The following PARP16 variants were observed in gnomAD, a reference collection of about 807,000 sequenced individuals.
PARP16 encodes the protein protein mono-ADP-ribosyltransferase PARP16.
Under a neutral mutation model 35.0 loss-of-function variants are expected in PARP16, and 31 were observed. The ratio of observed to expected loss-of-function variants is 0.88; its 90% confidence interval spans 0.66 to 1.19. The LOEUF (loss-of-function observed/expected upper bound fraction) is 1.19. Among genes scored for constraint, PARP16 ranks in the 50% most tolerant of loss-of-function variants. The pLI is 0.00. For synonymous variants in PARP16, 162 were observed against 169.5 expected, an observed-to-expected ratio of 0.96 and a Z score of 0.34; for missense variants, 424 against 411.2, an observed-to-expected ratio of 1.03 and a Z score of -0.27.
At chr15:65,262,398 C>T (rs1167138179) in intron 4 of PARP16, among the ~76,000 whole-genome samples, 4 of 152,302 alleles carry the variant, frequency 2.6e-5, no homozygotes, top group Admixed American at 2.0e-4. Flanking sequence ...TCCCAAAGTG[C>T]TGGGATTACA....
chr15:65,266,697 A>C lies in PARP16; in HGVS notation c.384T>G (p.Ile128Met), dbSNP rs766341860. 1 of 1,614,152 alleles carries C rather than the reference A, an allele frequency of 6.2e-7. No individual in the cohort carries two copies. The highest frequency in any genetic ancestry group is 8.5e-7 in the Non-Finnish European group (1 of 1,179,990). ...TGGCGTTGGCTGGGTCAAAGTACTC[A>C]ATTTCAAACAGGAAGTCCGGTGCAG... ...PVPAPDFLFE[I>M]EYFDPANAKF... Residue 128 changes from isoleucine to methionine, a missense_variant, in exon 3 of 6, where the codon ATT (isoleucine) becomes ATG (methionine). Coordinates refer to ENST00000649807, the MANE Select transcript of PARP16 (RefSeq NM_001316943.2).
intron 3 of PARP16, among the ~76,000 whole-genome samples, chr15:65,244,938 T>G (rs1407141479): frequency 6.6e-6 from 1 of 152,168 alleles, no homozygotes; most frequent in Non-Finnish European, 1.5e-5. Context: ...ACAAGCCAAC[T>G]GCAAAGCCAG....
In PARP16 at chr15:65,258,290, C is replaced by G. The variant is rs1294230251; in HGVS notation, c.*1117G>C. ...AGCAGGAAGAAGGGAGCAGAGAATA[C>G]AGCAAGCAGGGCTCCGGCTCTCTGG... On this transcript the variant is annotated 3_prime_UTR_variant, in exon 6 of 6. Coordinates refer to ENST00000649807, the MANE Select transcript of PARP16 (RefSeq NM_001316943.2). The G allele has an allele frequency of 6.6e-6, 1 of 152,232 alleles. No individual in the cohort carries two copies. 9.4% of individuals were successfully genotyped at this position (152,232 alleles called of 1,614,324 possible). A position where few individuals can be genotyped will look rare whatever the true frequency, so the allele number is the denominator to read the frequency against.
intron 4 of PARP16, among the ~76,000 whole-genome samples, 159 bp from the exon 5 acceptor site, chr15:65,261,185 C>T (rs2089699512): frequency 6.6e-6 from 1 of 151,116 alleles, no homozygotes; most frequent in South Asian, 2.1e-4. Context: ...CTGAAAAAAA[C>T]GGAGAATCTG....
At chr15:65,278,164 C>T (rs969395900) in intron 1 of PARP16, among the ~76,000 whole-genome samples, 15 of 152,152 alleles carry the variant, frequency 9.9e-5, no homozygotes, top group Admixed American at 4.6e-4. Flanking sequence ...AAATGAGTAA[C>T]GGGAGCCCGG....
At chr15:65,279,254 T>G (rs917060709) in intron 1 of PARP16, among the ~76,000 whole-genome samples, 1 of 152,188 alleles carries the variant, frequency 6.6e-6, no homozygotes, top group African/African-American at 2.4e-5. Flanking sequence ...ATGAGCTACG[T>G]GTAGTAACAG....
intron 3 of PARP16, among the ~76,000 whole-genome samples, chr15:65,244,087 T>C (rs1051396905): frequency 2.6e-5 from 4 of 152,204 alleles, no homozygotes; most frequent in Admixed American, 6.6e-5. Flanking sequence ...TTTCTCCATC[T>C]GGTAAGATCT....
At chr15:65,252,905 G>T (rs1037427105) in intron 2 of PARP16, among the ~76,000 whole-genome samples, 1 of 152,298 alleles carries the variant, frequency 6.6e-6, no homozygotes, top group Admixed American at 6.5e-5. Context: ...AAGGTGGGCA[G>T]ATCACCTGAG....
At chr15:65,262,092 T>C (rs1303422335) in intron 4 of PARP16, among the ~76,000 whole-genome samples, 2 of 152,058 alleles carry the variant, frequency 1.3e-5, no homozygotes, top group African/African-American at 2.4e-5. Flanking sequence ...CAGTCAGTTT[T>C]CTGAATTCTC....
intron 1 of PARP16, among the ~76,000 whole-genome samples, chr15:65,276,582 T>C (rs1227602720): frequency 6.6e-6 from 1 of 151,926 alleles, no homozygotes; most frequent in East Asian, 1.9e-4. Context: ...TCCAGGCTGG[T>C]CTCAAAACTC....
intron 1 of PARP16, among the ~76,000 whole-genome samples, chr15:65,285,896 G>T (rs2090578167): frequency 6.6e-6 from 1 of 152,166 alleles, no homozygotes; most frequent in South Asian, 2.1e-4. Context: ...ATTTGCAAAA[G>T]GATGGATAAC....
At chr15:65,244,753 T>C (rs532195930) in intron 3 of PARP16, among the ~76,000 whole-genome samples, 9 of 152,390 alleles carry the variant, frequency 5.9e-5, no homozygotes, top group African/African-American at 2.2e-4. Flanking sequence ...GTTCAATGAC[T>C]ATTTGTTGAA....
At chr15:65,263,509 G>T (rs911083381) in intron 3 of PARP16, among the ~76,000 whole-genome samples, 189 bp from the exon 4 acceptor site, 1 of 152,168 alleles carries the variant, frequency 6.6e-6, no homozygotes, top group Admixed American at 6.5e-5. Flanking sequence ...ACACATTCCT[G>T]CCTGACAACA....
intron 3 of PARP16, among the ~76,000 whole-genome samples, chr15:65,241,079 GC>G (rs1291324208): frequency 1.3e-5 from 2 of 149,722 alleles, no homozygotes; most frequent in African/African-American, 2.5e-5. Context: ...CAAGTGATCT[GC>G]CCCCCTCAGC....
At chr15:65,274,581 A>T (rs2090193406) in intron 1 of PARP16, among the ~76,000 whole-genome samples, 1 of 151,320 alleles carries the variant, frequency 6.6e-6, no homozygotes. Context: ...CTCGAATAAA[A>T]AAAAAAAAAA....
Position 65,271,082 on chromosome 15 carries a change from C to T in PARP16, c.175-10G>A, listed in dbSNP as rs187196606. Reference sequence around the variant, plus strand: ...TGCTGGCATCTGCAAGCTGAAGCGACGGAAGAACTTCCATTAGCAAGGATC... The same window carrying T: ...TGCTGGCATCTGCAAGCTGAAGCGATGGAAGAACTTCCATTAGCAAGGATC... On this transcript the variant is annotated splice_polypyrimidine_tract_variant and intron_variant, in intron 1 of 5. Coordinates refer to ENST00000649807, the MANE Select transcript of PARP16 (RefSeq NM_001316943.2). 7.5e-4 allele frequency: 1,211 copies of T among 1,613,890 alleles called. 9 individuals carry two copies. The East Asian group carries it at 9.8e-3, about 13-fold the overall frequency.
chr15:65,249,879 T>C (rs2089307523), intron 2 of PARP16, among the ~76,000 whole-genome samples: 2 of 152,140 alleles, frequency 1.3e-5, no homozygotes, highest in Admixed American at 1.3e-4. Flanking sequence ...GGAGATGAGC[T>C]CAGAGCTCTG....
chr15:65,273,885 A>AC (rs897983676), intron 1 of PARP16, among the ~76,000 whole-genome samples: 1 of 151,462 alleles, frequency 6.6e-6, no homozygotes, highest in Admixed American at 6.6e-5. Flanking sequence ...TCAAAAAAAA[A>AC]AAAAACAAAA....
chr15:65,239,899 G>A (rs1033887603), intron 3 of PARP16, among the ~76,000 whole-genome samples: 1 of 143,634 alleles, frequency 7.0e-6, no homozygotes, highest in Non-Finnish European at 1.5e-5. Context: ...TTCATGATCC[G>A]CTCACCTCGG....
Sources: allele counts gnomAD v4.1 joint callset (sites outside exome capture counted in the v4.1 genomes callset), GRCh38; gene constraint gnomAD v4.1.1; transcripts MANE v1.5; gene names NCBI Gene and HGNC (gene_info 2026-07-23, HGNC 2026-07-21).